The following MROH7 variants were observed in gnomAD, a reference collection of about 807,000 sequenced individuals.
The protein encoded by MROH7 is maestro heat like repeat family member 7.
In MROH7, 113 loss-of-function variants were observed where a neutral mutation model predicts 129.2. The ratio of observed to expected loss-of-function variants is 0.87; its 90% CI spans 0.75 to 1.02. The LOEUF is 1.02. Ranked by LOEUF, MROH7 falls within the 50% of genes least tolerant of loss-of-function variation. The pLI, the probability that MROH7 is intolerant of heterozygous loss-of-function variation, is 0.00. For synonymous variants in MROH7, 655 were observed against 667.9 expected (o/e 0.98, Z 0.30); for missense variants, 1,601 against 1,671.3 (o/e 0.96, Z 0.73).
chr1:54,687,463 ATTTCGGGGC>A, intron 15 of MROH7, among the ~76,000 whole-genome samples: 1 of 152,282 alleles, frequency 6.6e-6, no homozygotes, highest in South Asian at 2.1e-4. Flanking sequence ...GCTTCTCTGG[ATTTCGGGGC>A]TTTCCAGCCA....
intron 3 of MROH7, among the ~76,000 whole-genome samples, chr1:54,657,304 C>G (rs913276871): frequency 2.6e-5 from 4 of 151,826 alleles, no homozygotes; most frequent in Admixed American, 2.6e-4. Flanking sequence ...ACTGCCTCAG[C>G]CTCCCAAAGT....
At chr1:54,645,010 A>G (rs1047560775) in intron 1 of MROH7, among the ~76,000 whole-genome samples, 1 of 151,358 alleles carries the variant, frequency 6.6e-6, no homozygotes, top group African/African-American at 2.4e-5. Flanking sequence ...GGGTTTCACC[A>G]TGTTAGCCAA....
chr1:54,660,157 C>G (rs1644710459), intron 3 of MROH7, among the ~76,000 whole-genome samples: 1 of 152,176 alleles, frequency 6.6e-6, no homozygotes, highest in African/African-American at 2.4e-5. Flanking sequence ...GATTTATTTT[C>G]TCACAGTTCT....
rs1157824989 is a variant in MROH7, at chr1:54,665,390, T to C, written c.1305+150T>C. 28 of 593,334 alleles carry C rather than the reference T, an allele frequency of 4.7e-5. No individual in the cohort carries two copies. The South Asian group carries it at 5.5e-4, about 12-fold the overall frequency. 36.8% of individuals were successfully genotyped at this position (593,334 alleles called of 1,614,324 possible). Reference sequence around the variant, plus strand: ...ACATTCATTGCCGTCTGATGTGCCATATGCTTTGTTTATTCATCTTCTTTC... The same window carrying C: ...ACATTCATTGCCGTCTGATGTGCCACATGCTTTGTTTATTCATCTTCTTTC... On this transcript the variant is annotated intron_variant, in intron 4 of 23. Coordinates refer to ENST00000421030, the MANE Select transcript of MROH7 (RefSeq NM_001039464.4).
chr1:54,649,458 A>C (rs1033755471), intron 1 of MROH7, among the ~76,000 whole-genome samples: 1 of 152,250 alleles, frequency 6.6e-6, no homozygotes, highest in Admixed American at 6.5e-5. Flanking sequence ...TGTTTGGTAG[A>C]GGGCAAGCCA....
chr1:54,703,626 G>A lies in MROH7; in HGVS notation c.3564+881G>A, dbSNP rs1160336465. Among the ~76,000 whole-genome samples, 4 of 151,980 alleles carry A rather than the reference G, an allele frequency of 2.6e-5. No individual in the cohort carries two copies. The highest frequency in any genetic ancestry group is 4.4e-5 in the Non-Finnish European group (3 of 67,996). On this transcript the variant is annotated intron_variant, in intron 21 of 23. Transcript: ENST00000421030. The surrounding 1 kb of genome is among the most constrained non-coding windows in gnomAD (Gnocchi z 4.4). ...GAACATCATGAGGTAGGAGCAAGCC[G>A]CGTGCATGTGCGCGCGCGCATACAC...
intron 4 of MROH7, among the ~76,000 whole-genome samples, chr1:54,666,583 A>G (rs1644819054): frequency 6.7e-6 from 1 of 148,468 alleles, no homozygotes; most frequent in South Asian, 2.2e-4. Context: ...TACAGGCATG[A>G]GCCTCTGTGC....
chr1:54,679,041 TA>T (rs1645026224), intron 11 of MROH7, among the ~76,000 whole-genome samples, 187 bp downstream of exon 11: 1 of 152,216 alleles, frequency 6.6e-6, no homozygotes, highest in South Asian at 2.1e-4. Flanking sequence ...CCTTCTCCCT[TA>T]CGCATGTCAC....
intron 14 of MROH7, among the ~76,000 whole-genome samples, chr1:54,683,738 A>G (rs72905812): frequency 0.014 from 2,142 of 152,174 alleles, 45 homozygotes; most frequent in African/African-American, 0.05. Flanking sequence ...CAGCCACGCT[A>G]TCTTGTCACA....
At chr1:54,701,354 G>A (rs768688700) in intron 19 of MROH7, 32 bp downstream of exon 19, 2 of 1,514,304 alleles carry the variant, frequency 1.3e-6, no homozygotes, top group East Asian at 4.7e-5. Flanking sequence ...GGAGCAGGAG[G>A]GATCGAGAAG....
intron 14 of MROH7, among the ~76,000 whole-genome samples, chr1:54,683,974 C>G (rs562950807): frequency 1.1e-4 from 16 of 152,246 alleles, no homozygotes; most frequent in Non-Finnish European, 2.2e-4. Context: ...TTTGGTTAAT[C>G]TGTGAGACAC....
In MROH7 at chr1:54,709,091, G is replaced by A. The variant is rs775882792; in HGVS notation, c.3730+15G>A. The A allele has an allele frequency of 7.4e-6, 12 of 1,613,396 alleles. No individual in the cohort carries two copies. Among genetic ancestry groups the A allele is most frequent in the Middle Eastern group, 1.6e-4 (1 of 6,084 alleles). ...AGTGAAAGCTGGTAAGTCATGCCCC[G>A]CATTGGTGAAATTTCAGGGGACAGT... On this transcript the variant is annotated intron_variant, in intron 23 of 23. Coordinates refer to ENST00000421030, the MANE Select transcript of MROH7 (RefSeq NM_001039464.4).
At chr1:54,684,856 AG>A (rs770097555) in intron 14 of MROH7, among the ~76,000 whole-genome samples, 6 of 152,248 alleles carry the variant, frequency 3.9e-5, no homozygotes, top group Non-Finnish European at 7.3e-5. Flanking sequence ...TGTATGTGGA[AG>A]AACTTCTTAA....
At chr1:54,668,035 G>A (rs1644839438) in intron 4 of MROH7, among the ~76,000 whole-genome samples, 1 of 152,240 alleles carries the variant, frequency 6.6e-6, no homozygotes, top group African/African-American at 2.4e-5. Context: ...AGATCACTCA[G>A]TGGGACTGGA....
At chr1:54,656,700 T>C (rs1362157560) in intron 3 of MROH7, among the ~76,000 whole-genome samples, 2 of 151,798 alleles carry the variant, frequency 1.3e-5, no homozygotes, top group Admixed American at 6.6e-5. Context: ...CCGGGGCCTG[T>C]AATCCCAGCT....
chr1:54,650,037 G>A, intron 1 of MROH7, among the ~76,000 whole-genome samples: 1 of 152,226 alleles, frequency 6.6e-6, no homozygotes, highest in African/African-American at 2.4e-5. Flanking sequence ...TGCTTGGAAT[G>A]AAGGCAGCTT....
intron 14 of MROH7, among the ~76,000 whole-genome samples, chr1:54,685,056 G>A (rs1645126899): frequency 1.3e-5 from 2 of 151,032 alleles, no homozygotes; most frequent in Admixed American, 1.3e-4. Flanking sequence ...CTATCACCCA[G>A]GTTGTTGGAG....
At position 54,679,436 on chromosome 1, in the gene MROH7, G is replaced by A. The variant is rs560640040; in HGVS notation, c.2223G>A (p.Glu741=). Residue 741 remains glutamate, a synonymous_variant, in exon 12 of 24, where the codon GAG becomes GAA. Coordinates refer to ENST00000421030, the MANE Select transcript of MROH7 (RefSeq NM_001039464.4). ...VLEWYRHRAL[E]VIPEIMQGIY... ...AGTGGTACCGCCACAGGGCGCTGGA[G>A]GTGGTAAGGCCTCCTGGGGGCAGGG... The A allele has an allele frequency of 1.2e-5, 19 of 1,612,386 alleles. No homozygotes were observed. The East Asian group carries it at 3.6e-4, about 30-fold the overall frequency.
chr1:54,680,855 A>G (rs1323473851), intron 13 of MROH7, among the ~76,000 whole-genome samples: 1 of 152,236 alleles, frequency 6.6e-6, no homozygotes, highest in African/African-American at 2.4e-5. Context: ...ATAGGAACCA[A>G]GAAGATCAGT....
Sources: allele counts gnomAD v4.1 joint callset (sites outside exome capture counted in the v4.1 genomes callset), GRCh38; gene constraint gnomAD v4.1.1; non-coding constraint Gnocchi (gnomAD v3.1); transcripts MANE v1.5; gene names NCBI Gene and HGNC (gene_info 2026-07-23, HGNC 2026-07-21).